The following RBFOX1 variants were observed in gnomAD, a reference collection of about 807,000 sequenced individuals.
RBFOX1 encodes the protein RNA binding fox-1 homolog 1.
A neutral mutation model predicts 57.7 loss-of-function variants in RBFOX1; 8 were observed. The observed-to-expected ratio is 0.14, with a 90% confidence interval of 0.08 to 0.25. RBFOX1 has a LOEUF of 0.25. Ranked by LOEUF, RBFOX1 falls within the 10% of genes least tolerant of loss-of-function variation. RBFOX1 has a pLI of 1.00. For missense variants in RBFOX1, 611 were observed against 548.5 expected (o/e 1.11, Z -1.14); for synonymous variants, 326 against 222.4 (o/e 1.47, Z -4.15).
At chr16:6,684,790 G>A (rs977732699) in intron 3 of RBFOX1, among the ~76,000 whole-genome samples, 27 of 152,162 alleles carry the variant, frequency 1.8e-4, no homozygotes, top group Non-Finnish European at 4.0e-4. Flanking sequence ...AAGTTTGGAG[G>A]AAAAGAAAAA....
chr16:6,620,704 C>T (rs1879106709), intron 2 of RBFOX1, among the ~76,000 whole-genome samples: 1 of 152,054 alleles, frequency 6.6e-6, no homozygotes, highest in African/African-American at 2.4e-5. Flanking sequence ...TACAAACAAC[C>T]ATCACAAGAT....
intron 14 of RBFOX1, among the ~76,000 whole-genome samples, chr16:7,686,453 A>G (rs1007624698): frequency 2.0e-5 from 3 of 152,030 alleles, no homozygotes; most frequent in Admixed American, 1.3e-4. Flanking sequence ...GAAATGCCCA[A>G]TCTCCCAGTA....
chr16:7,279,270 G>C (rs1418800012), intron 4 of RBFOX1, among the ~76,000 whole-genome samples: 1 of 151,994 alleles, frequency 6.6e-6, no homozygotes, highest in African/African-American at 2.4e-5. Context: ...TGTCACTTGG[G>C]CAAAGTGGTA....
intron 1 of RBFOX1, among the ~76,000 whole-genome samples, chr16:6,277,278 T>C (rs1434216781): frequency 6.8e-6 from 1 of 146,986 alleles, no homozygotes; most frequent in Admixed American, 6.7e-5. Context: ...CTGGGCAACA[T>C]GGTGAAACCC....
intron 1 of RBFOX1, among the ~76,000 whole-genome samples, chr16:6,074,818 A>T (rs901574058): frequency 1.3e-5 from 2 of 152,182 alleles, no homozygotes; most frequent in Non-Finnish European, 2.9e-5. Flanking sequence ...AGTCTGAAAT[A>T]TGCTGAGTTT....
chr16:7,287,406 C>G (rs2095671335), intron 4 of RBFOX1, among the ~76,000 whole-genome samples: 1 of 152,134 alleles, frequency 6.6e-6, no homozygotes, highest in Non-Finnish European at 1.5e-5. Flanking sequence ...AGGGTGCTCT[C>G]TTTCTCTTTC....
intron 3 of RBFOX1, among the ~76,000 whole-genome samples, chr16:6,701,158 T>TGA (rs34682000): frequency 6.6e-6 from 1 of 151,806 alleles, no homozygotes; most frequent in African/African-American, 2.4e-5. Flanking sequence ...TGTGTGTGTG[T>TGA]TTGTCTTGGG....
intron 2 of RBFOX1, among the ~76,000 whole-genome samples, chr16:5,579,748 TTTTC>T (rs1346601908): frequency 6.7e-5 from 10 of 149,832 alleles, no homozygotes; most frequent in African/African-American, 2.3e-4. Flanking sequence ...CAGTTAATTC[TTTTC>T]TTTCTTTCTT....
At chr16:6,834,925 C>T (rs1308804417) in intron 3 of RBFOX1, among the ~76,000 whole-genome samples, 1 of 141,000 alleles carries the variant, frequency 7.1e-6, no homozygotes, top group African/African-American at 2.7e-5. Flanking sequence ...TGGTGTCTCG[C>T]TCTGTTGCCC....
chr16:7,389,457 G>T (rs2097951582), intron 4 of RBFOX1, among the ~76,000 whole-genome samples: 1 of 152,028 alleles, frequency 6.6e-6, no homozygotes, highest in Non-Finnish European at 1.5e-5. Flanking sequence ...TGTTGATTGG[G>T]GTGTGCTTGC....
At chr16:6,106,805 C>G (rs1288753633) in intron 1 of RBFOX1, among the ~76,000 whole-genome samples, 3 of 152,190 alleles carry the variant, frequency 2.0e-5, no homozygotes, top group Non-Finnish European at 4.4e-5. Flanking sequence ...GTAGCTGGGA[C>G]CACAGATGCC....
intron 2 of RBFOX1, among the ~76,000 whole-genome samples, chr16:6,524,988 G>C (rs929596459): frequency 1.3e-5 from 2 of 152,070 alleles, no homozygotes; most frequent in African/African-American, 2.4e-5. Context: ...GAGTATCTGG[G>C]TAAACATAAA....
At chr16:6,893,626 C>G (rs544463080) in intron 3 of RBFOX1, among the ~76,000 whole-genome samples, 1 of 152,108 alleles carries the variant, frequency 6.6e-6, no homozygotes, top group South Asian at 2.1e-4. Flanking sequence ...AAAAGGAGAA[C>G]AAAAGCCCTG....
intron 4 of RBFOX1, among the ~76,000 whole-genome samples, chr16:7,263,495 G>A (rs966093681): frequency 1.3e-5 from 2 of 152,148 alleles, no homozygotes; most frequent in African/African-American, 2.4e-5. Flanking sequence ...CTCTGGATTT[G>A]GAGCCAGAGT....
intron 2 of RBFOX1, among the ~76,000 whole-genome samples, chr16:6,396,065 CAAAAAAAAAAA>C (rs1165644198): frequency 6.7e-4 from 41 of 61,474 alleles, no homozygotes; most frequent in African/African-American, 2.3e-3. Context: ...GACTCCTTCT[CAAAAAAAAAAA>C]AAAAAAAAAA....
chr16:5,583,461 C>A (rs999466079), intron 2 of RBFOX1, among the ~76,000 whole-genome samples: 2 of 152,218 alleles, frequency 1.3e-5, no homozygotes, highest in African/African-American at 4.8e-5. Flanking sequence ...TCTAACCAAG[C>A]TCGCTTCTGA....
rs56693228 is a variant in RBFOX1 at position 7,672,865 on chromosome 16, CAAAAAAAAA to C, written c.931-3894_931-3886del. Among the ~76,000 whole-genome samples, 16 of 42,884 alleles carry C rather than the reference CAAAAAAAAA, an allele frequency of 3.7e-4. 1 individual carries two copies. Among genetic ancestry groups the C allele is most frequent in the East Asian group, 1.0e-3 (1 of 984 alleles). 28.1% of individuals were successfully genotyped at this position (42,884 alleles called of 152,430 possible). On this transcript the variant is annotated intron_variant, in intron 13 of 15. Transcript: ENST00000550418. ...CTGGGTGACAGAGAAGACTCCATCTCAAAAAAAAAAAAAAAAAAAAAAAGAACATATAGA... is the reference window on the plus strand; with the variant it reads ...CTGGGTGACAGAGAAGACTCCATCTCAAAAAAAAAAAAAAGAACATATAGA...
chr16:6,646,912 C>T (rs1602587873), intron 2 of RBFOX1, among the ~76,000 whole-genome samples: 2 of 152,106 alleles, frequency 1.3e-5, no homozygotes, highest in African/African-American at 4.8e-5. Context: ...GAAGATACCG[C>T]GTGTACACAT....
At chr16:6,859,249 T>C (rs1484820634) in intron 3 of RBFOX1, among the ~76,000 whole-genome samples, 1 of 146,500 alleles carries the variant, frequency 6.8e-6, no homozygotes, top group Non-Finnish European at 1.5e-5. Context: ...AACATGATTC[T>C]GACTCTTTAT....
Sources: allele counts gnomAD v4.1 joint callset (sites outside exome capture counted in the v4.1 genomes callset), GRCh38; gene constraint gnomAD v4.1.1; transcripts MANE v1.5; gene names NCBI Gene and HGNC (gene_info 2026-07-23, HGNC 2026-07-21).